CAMSAP1: variants seen among roughly 807,000 people sequenced by gnomAD.
CAMSAP1 encodes calmodulin-regulated spectrin-associated protein 1.
In CAMSAP1, 58 loss-of-function variants were observed where a neutral mutation model predicts 143.5. That is an observed-to-expected ratio of 0.40 (90% CI 0.33 to 0.50). The LOEUF (loss-of-function observed/expected upper bound fraction) is 0.50, where lower values mean the gene tolerates loss of function less well. Among genes scored for constraint, CAMSAP1 ranks in the 20% least tolerant of loss-of-function variants. CAMSAP1 has a pLI of 0.45. For synonymous variants in CAMSAP1, 945 were observed against 859.3 expected (o/e 1.10, Z -1.74); for missense variants, 1,969 against 2,115.7 (o/e 0.93, Z 1.36).
chr9:135,898,653 C>G (rs1838526230), intron 1 of CAMSAP1, among the ~76,000 whole-genome samples: 1 of 152,140 alleles, frequency 6.6e-6, no homozygotes, highest in African/African-American at 2.4e-5. Flanking sequence ...GAAATGCATA[C>G]AAAAACCACG....
chr9:135,865,644 G>A (rs935778166), intron 4 of CAMSAP1, among the ~76,000 whole-genome samples: 1 of 152,218 alleles, frequency 6.6e-6, no homozygotes, highest in Non-Finnish European at 1.5e-5. Flanking sequence ...CAAGAAGTCA[G>A]CTCTGACGCG....
At chr9:135,829,459 G>C (rs1035826248) in intron 7 of CAMSAP1, among the ~76,000 whole-genome samples, 1 of 152,158 alleles carries the variant, frequency 6.6e-6, no homozygotes, top group Non-Finnish European at 1.5e-5. Context: ...TGAGGCTGCA[G>C]TGAGCAATGA....
At chr9:135,839,874 C>T (rs191386962) in intron 7 of CAMSAP1, among the ~76,000 whole-genome samples, 10 of 152,068 alleles carry the variant, frequency 6.6e-5, no homozygotes, top group Admixed American at 5.9e-4. Context: ...AGCCTGGGCA[C>T]AGTTAACAGT....
chr9:135,837,599 C>T (rs547921435), intron 7 of CAMSAP1, among the ~76,000 whole-genome samples: 19 of 145,888 alleles, frequency 1.3e-4, no homozygotes, highest in East Asian at 4.3e-4. Context: ...ACATGTCATC[C>T]GCACTTTCTG....
intron 11 of CAMSAP1, among the ~76,000 whole-genome samples, chr9:135,819,672 TAAAA>T (rs55894826): frequency 7.6e-5 from 8 of 104,632 alleles, no homozygotes; most frequent in African/African-American, 2.0e-4. Flanking sequence ...TGTCTCCACT[TAAAA>T]AAAAAAAAAA....
chr9:135,827,381 T>C (rs768087585), intron 8 of CAMSAP1, 26 bp downstream of exon 8: 8 of 1,468,380 alleles, frequency 5.4e-6, no homozygotes, highest in South Asian at 1.5e-5. Flanking sequence ...GGTGAACTGA[T>C]TCTGAAAGCA....
chr9:135,830,219 A>T (rs920738998), intron 7 of CAMSAP1, among the ~76,000 whole-genome samples: 4 of 152,224 alleles, frequency 2.6e-5, no homozygotes, highest in Non-Finnish European at 5.9e-5. Flanking sequence ...TCCTATCAAT[A>T]ATTACTTCAA....
intron 7 of CAMSAP1, among the ~76,000 whole-genome samples, chr9:135,832,106 G>T (rs1015746432): frequency 6.6e-6 from 1 of 152,074 alleles, no homozygotes; most frequent in Admixed American, 6.6e-5. Context: ...GGCAGACATA[G>T]ACACCAGAAG....
At position 135,850,233 on chromosome 9, in the gene CAMSAP1, G is replaced by C; in HGVS notation, c.949C>G (p.Pro317Ala). ...DMLYAPLVLK[P>A]NVMVFIAELF... Reference sequence around the variant, plus strand: ...TCCGCAATAAAAACCATAACATTCGGCTAAAAGACAAAAACAAAAAACCAA... The same window carrying C: ...TCCGCAATAAAAACCATAACATTCGCCTAAAAGACAAAAACAAAAAACCAA... The change falls in exon 7 of 17, where the codon CCG becomes GCG. Residue 317 changes from proline to alanine, a missense_variant and splice_region_variant. Pro to Ala is a conservative substitution (Grantham distance 27, BLOSUM62 -1). Coordinates refer to ENST00000389532, the MANE Select transcript of CAMSAP1 (RefSeq NM_015447.4). 6.2e-7 allele frequency: 1 copy of C among 1,612,432 alleles called. No individual in the cohort carries two copies.
chr9:135,814,566 G>A (rs564357108), intron 16 of CAMSAP1, among the ~76,000 whole-genome samples: 36 of 152,270 alleles, frequency 2.4e-4, no homozygotes, highest in South Asian at 4.1e-4. Flanking sequence ...TGCACACTGG[G>A]TGCTCCGGAG....
rs144315326 is a variant in CAMSAP1 at position 135,827,532 on chromosome 9, G to A, written c.1098C>T (p.Asn366=). ...TGCCTAGGAAACTGCGTTTGGTCGCGTTGGAGATCGGTACAGGAGGCCGGC... is the reference window on the plus strand; with the variant it reads ...TGCCTAGGAAACTGCGTTTGGTCGCATTGGAGATCGGTACAGGAGGCCGGC... ...KSSRPPVPIS[N]ATKRSFLGSP... is the part of the protein sequence containing the mutation. The change falls in exon 8 of 17, where the codon AAC becomes AAT. Residue 366 remains asparagine (N), a synonymous_variant. Coordinates refer to ENST00000389532, the MANE Select transcript of CAMSAP1 (RefSeq NM_015447.4). 3.1e-5 allele frequency: 50 copies of A among 1,612,270 alleles called. No homozygotes were observed. The African/African-American group carries it at 3.7e-4, about 12-fold the overall frequency.
At position 135,822,357 on chromosome 9, in the gene CAMSAP1, T is replaced by C. The variant is rs773430317; in HGVS notation, c.2304A>G (p.Glu768=). Residue 768 remains glutamate (E), a synonymous_variant, in exon 11 of 17, where the codon GAA becomes GAG. Transcript: ENST00000389532. This position sits in a 1 kb window ranked among gnomAD's most constrained non-coding sequence, Gnocchi z 6.1. ...TGTCCTCCTGCAGTTTGGCCGACTC[T>C]TCCTCCCCAATGTATCTGCTGAAAA... ...PVVFSRYIGE[E]ESAKLQEDMK... The C allele has an allele frequency of 1.1e-5, 17 of 1,614,000 alleles. No individual in the cohort carries two copies. The highest frequency in any genetic ancestry group is 1.4e-5 in the Non-Finnish European group (16 of 1,179,898).
Position 135,907,080 on chromosome 9 carries a change from A to T in CAMSAP1, c.80T>A (p.Val27Glu). ...CGCCGCGTCGTAGCGGTCCAGGGGC[A>T]CGAGGTCGGCGGCGCCGTCCGGCGG... ...EAPPDGAADL[V>E]PLDRYDAARA... Residue 27 changes from valine to glutamate, a missense_variant, in exon 1 of 17, where the codon GTG becomes GAG. Around this residue, in one of 4 missense-constraint regions of CAMSAP1, gnomAD observed 215 missense variants for 196.2 expected, o/e 1.10. Transcript: ENST00000389532. 1 of 1,161,108 alleles carries T rather than the reference A, an allele frequency of 8.6e-7. No homozygotes were observed. Among genetic ancestry groups the T allele is most frequent in the Non-Finnish European group, 1.1e-6 (1 of 937,252 alleles). 71.9% of individuals were successfully genotyped at this position (1,161,108 alleles called of 1,614,324 possible).
At chr9:135,842,118 T>A (rs1394255960) in intron 7 of CAMSAP1, among the ~76,000 whole-genome samples, 1 of 152,140 alleles carries the variant, frequency 6.6e-6, no homozygotes, top group South Asian at 2.1e-4. Flanking sequence ...GTTAGAGGAA[T>A]TGCTAACTAG....
At chr9:135,843,118 G>A (rs1361154417) in intron 7 of CAMSAP1, among the ~76,000 whole-genome samples, 3 of 152,074 alleles carry the variant, frequency 2.0e-5, no homozygotes, top group Admixed American at 1.3e-4. Context: ...ACCTGAGGTC[G>A]GGAGTTCGAG....
intron 5 of CAMSAP1, among the ~76,000 whole-genome samples, chr9:135,855,848 C>G (rs553209404): frequency 5.3e-5 from 8 of 150,890 alleles, no homozygotes; most frequent in East Asian, 3.9e-4. Context: ...GTCAGGAGAT[C>G]AAGACCATCC....
At chr9:135,872,881 G>A (rs971854080) in intron 3 of CAMSAP1, among the ~76,000 whole-genome samples, 7 of 152,118 alleles carry the variant, frequency 4.6e-5, no homozygotes, top group Admixed American at 2.0e-4. Context: ...ACCAAATGGC[G>A]GGTTACAAGT....
chr9:135,813,007 G>A (rs1445392816), intron 16 of CAMSAP1, among the ~76,000 whole-genome samples: 3 of 151,674 alleles, frequency 2.0e-5, no homozygotes, highest in African/African-American at 4.8e-5. Flanking sequence ...GATGCCTGTC[G>A]CCGCGTTTGT....
intron 1 of CAMSAP1, among the ~76,000 whole-genome samples, chr9:135,906,092 C>T (rs1266714657): frequency 1.3e-5 from 2 of 152,244 alleles, no homozygotes; most frequent in African/African-American, 4.8e-5. Context: ...ACGCGTTTGT[C>T]CTTATGACTA....
Sources: allele counts gnomAD v4.1 joint callset (sites outside exome capture counted in the v4.1 genomes callset), GRCh38; gene constraint gnomAD v4.1.1; regional missense constraint gnomAD v4.1.1; non-coding constraint Gnocchi (gnomAD v3.1); transcripts MANE v1.5; gene names NCBI Gene and HGNC (gene_info 2026-07-23, HGNC 2026-07-21).